Variants in SH3BGRL2 observed in about 807,000 individuals in gnomAD.
SH3BGRL2 encodes the protein SH3 domain-binding glutamic acid-rich-like protein 2.
Under a neutral mutation model 14.8 loss-of-function variants are expected in SH3BGRL2, and 21 were observed. That is an observed-to-expected ratio of 1.42 (90% confidence interval 1.01 to 2.05). The LOEUF is 2.05. Ranked by LOEUF, SH3BGRL2 falls within the 30% of genes most tolerant of loss-of-function variation. The pLI is 0.00. For missense variants in SH3BGRL2, 147 were observed against 130.8 expected, an observed-to-expected ratio of 1.12 and a Z score of -0.61; for synonymous variants, 50 against 47.8, an observed-to-expected ratio of 1.05 and a Z score of -0.19.
At chr6:79,636,945 G>A (rs1402229565) in intron 1 of SH3BGRL2, among the ~76,000 whole-genome samples, 1 of 152,130 alleles carries the variant, frequency 6.6e-6, no homozygotes, top group Non-Finnish European at 1.5e-5. Flanking sequence ...TATAGGTACT[G>A]GGGGTTAGGA....
the SH3BGRL2 span, among the ~76,000 whole-genome samples, chr6:79,602,992 G>A: frequency 6.6e-6 from 1 of 152,082 alleles, no homozygotes; most frequent in African/African-American, 2.4e-5. Context: ...AGGGAGAAGG[G>A]TGAGAGAGTG....
chr6:79,624,755 T>C, the SH3BGRL2 span, among the ~76,000 whole-genome samples: 1 of 152,200 alleles, frequency 6.6e-6, no homozygotes, highest in East Asian at 1.9e-4. Context: ...TTCAGTTTGC[T>C]GACTTTTACA....
chr6:79,601,954 A>T, the SH3BGRL2 span, among the ~76,000 whole-genome samples: 1 of 152,194 alleles, frequency 6.6e-6, no homozygotes, highest in South Asian at 2.1e-4. Flanking sequence ...CCCAGGAAAC[A>T]AATATGCTAG....
chr6:79,638,101 T>C (rs2127722991), intron 1 of SH3BGRL2, among the ~76,000 whole-genome samples: 2 of 152,300 alleles, frequency 1.3e-5, no homozygotes, highest in South Asian at 4.1e-4. Context: ...TCCCCTCAAA[T>C]ATTATTTCTT....
chr6:79,701,055 A>T lies in SH3BGRL2; in HGVS notation c.*1546A>T, dbSNP rs1412900036. 1 of 152,194 alleles carries T rather than the reference A, an allele frequency of 6.6e-6. No homozygotes were observed. Among genetic ancestry groups the T allele is most frequent in the African/African-American group, 2.4e-5 (1 of 41,442 alleles). 9.4% of individuals were successfully genotyped at this position (152,194 alleles called of 1,614,324 possible). On this transcript the variant is annotated 3_prime_UTR_variant, in exon 4 of 4. Coordinates refer to ENST00000369838, the MANE Select transcript of SH3BGRL2 (RefSeq NM_031469.4). ...GAACTTGTTGAATGCTAAGGCTGAA[A>T]TCCCAACCTGAGATTTGTAGTCCAG...
the SH3BGRL2 span, among the ~76,000 whole-genome samples, chr6:79,584,936 CA>C: frequency 6.6e-6 from 1 of 152,022 alleles, no homozygotes; most frequent in African/African-American, 2.4e-5. Flanking sequence ...TACCATATTT[CA>C]TCGAATCTAA....
At chr6:79,684,015 A>G (rs1770044786) in intron 2 of SH3BGRL2, among the ~76,000 whole-genome samples, 1 of 152,204 alleles carries the variant, frequency 6.6e-6, no homozygotes, top group South Asian at 2.1e-4. Context: ...GTCAGTGAGG[A>G]AAACAAACAA....
chr6:79,631,444 C>CCCGGGCGCAGCGAGAGG lies in SH3BGRL2; in HGVS notation c.-17_-1dup, dbSNP rs1398304784. 6.6e-7 allele frequency: 1 copy of CCCGGGCGCAGCGAGAGG among 1,518,624 alleles called. No individual in the cohort carries two copies. The highest frequency in any genetic ancestry group is 8.8e-7 in the Non-Finnish European group (1 of 1,133,242). 94.1% of individuals were successfully genotyped at this position (1,518,624 alleles called of 1,614,324 possible). The stretch of plus-strand genomic sequence containing the variant: ...GGAGCCCGGGGGGCAAGGGGTCTGT[C>CCCGGGCGCAGCGAGAGG]CCGGGCGCAGCGAGAGGATGGTCAT... On this transcript the variant is annotated 5_prime_UTR_variant, in exon 1 of 4. Coordinates refer to ENST00000369838, the MANE Select transcript of SH3BGRL2 (RefSeq NM_031469.4).
chr6:79,590,457 A>ATATG, the SH3BGRL2 span, among the ~76,000 whole-genome samples: 2 of 124,380 alleles, frequency 1.6e-5, no homozygotes, highest in East Asian at 2.2e-4. Flanking sequence ...ATATATATAT[A>ATATG]TATATATGCG....
Position 79,702,992 on chromosome 6 carries a change from C to T in SH3BGRL2, c.*3483C>T, listed in dbSNP as rs1458422993. ...GCACTGAACGATTTCAAGCCCTACG[C>T]ACCAGAACAGAAGGAGGGTGGAGGA... is the stretch of plus-strand genomic sequence containing the variant. On this transcript the variant is annotated 3_prime_UTR_variant, in exon 4 of 4. Transcript: ENST00000369838. 6.6e-6 allele frequency: 1 copy of T among 152,218 alleles called. No homozygotes were observed. Among genetic ancestry groups the T allele is most frequent in the African/African-American group, 2.4e-5 (1 of 41,448 alleles). 9.4% of individuals were successfully genotyped at this position (152,218 alleles called of 1,614,324 possible).
the SH3BGRL2 span, among the ~76,000 whole-genome samples, chr6:79,590,335 T>C: frequency 1.3e-5 from 2 of 149,420 alleles, no homozygotes; most frequent in Admixed American, 6.7e-5. Flanking sequence ...ACATATGCAC[T>C]TATATGTTCA....
chr6:79,542,307 G>A, the SH3BGRL2 span, among the ~76,000 whole-genome samples: 1 of 147,446 alleles, frequency 6.8e-6, no homozygotes, highest in Non-Finnish European at 1.5e-5. Flanking sequence ...CACTCTTGTT[G>A]CCCAGGCTGG....
At chr6:79,601,036 CA>C in the SH3BGRL2 span, among the ~76,000 whole-genome samples, 12,776 of 152,202 alleles carry the variant, frequency 0.084, 751 homozygotes, top group Non-Finnish European at 0.13. Context: ...ATCTCAGTGT[CA>C]GTTGAAGGAT....
the SH3BGRL2 span, among the ~76,000 whole-genome samples, chr6:79,538,018 G>GTTTTTTTTTTTTTTTTTT: frequency 3.6e-4 from 16 of 44,164 alleles, 3 homozygotes; most frequent in Non-Finnish European, 4.7e-4. Context: ...TTGCACACAA[G>GTTTTTTTTTTTTTTTTTT]TTTTTTTTTT....
chr6:79,651,132 A>G (rs375382089), intron 1 of SH3BGRL2, among the ~76,000 whole-genome samples: 23 of 152,244 alleles, frequency 1.5e-4, no homozygotes, highest in African/African-American at 4.8e-4. Context: ...GCAGAGTGGC[A>G]TCTACGCACA....
the SH3BGRL2 span, among the ~76,000 whole-genome samples, chr6:79,541,067 A>C: frequency 6.6e-6 from 1 of 152,092 alleles, no homozygotes; most frequent in Non-Finnish European, 1.5e-5. Context: ...AGTCTGGCCA[A>C]CATGGTGAGA....
the SH3BGRL2 span, among the ~76,000 whole-genome samples, chr6:79,617,418 C>T: frequency 6.6e-5 from 10 of 152,054 alleles, no homozygotes; most frequent in African/African-American, 1.7e-4. Context: ...TATTATCACA[C>T]CTAAGAGAAT....
chr6:79,666,155 A>G (rs773667614), intron 1 of SH3BGRL2, among the ~76,000 whole-genome samples: 1 of 152,178 alleles, frequency 6.6e-6, no homozygotes, highest in Non-Finnish European at 1.5e-5. Flanking sequence ...CTCTCCTGGT[A>G]AGTCTGGAGG....
chr6:79,586,562 G>A, the SH3BGRL2 span, among the ~76,000 whole-genome samples: 1 of 152,036 alleles, frequency 6.6e-6, no homozygotes, highest in African/African-American at 2.4e-5. Flanking sequence ...TAACATTTAA[G>A]GCAACATAAA....
Sources: gnomAD v4.1 joint callset for allele counts (sites outside exome capture counted in the v4.1 genomes callset) on GRCh38, gnomAD v4.1.1 for gene constraint, MANE v1.5 for transcripts, NCBI Gene and HGNC (gene_info 2026-07-23, HGNC 2026-07-21) for gene names.